Variants in UBE2V2 observed in about 807,000 individuals in gnomAD.
UBE2V2 encodes the protein ubiquitin conjugating enzyme E2 V2.
In UBE2V2, 9 loss-of-function variants were observed where a neutral mutation model predicts 17.2. The observed-to-expected ratio is 0.52, with a 90% CI of 0.32 to 0.91. The LOEUF (loss-of-function observed/expected upper bound fraction) is 0.91. Among genes scored for constraint, UBE2V2 ranks in the 40% least tolerant of loss-of-function variants. The pLI is 0.04. For missense variants in UBE2V2, 133 were observed against 182.6 expected (o/e 0.73, Z 1.56); for synonymous variants, 61 against 57.5 (o/e 1.06, Z -0.28).
chr8:48,024,861 T>C (rs2091329425), intron 1 of UBE2V2, among the ~76,000 whole-genome samples: 1 of 152,102 alleles, frequency 6.6e-6, no homozygotes, highest in East Asian at 1.9e-4. Flanking sequence ...CTGGTCAATA[T>C]TCACATAAAT....
rs550481086 is a variant in UBE2V2 at position 48,062,457 on chromosome 8, G to A, written c.*1629G>A. The A allele has an allele frequency of 2.6e-5, 4 of 152,114 alleles. No individual in the cohort carries two copies. The East Asian group carries it at 5.8e-4, about 22-fold the overall frequency. The allele number at this position is 152,114 out of a possible 1,614,324, so 9.4% of individuals were successfully genotyped here. ...AAATACAAAAAATTAGCCAGGTGTG[G>A]TGGTGGGTACTTGTAGTCCCAGCTA... On this transcript the variant is annotated 3_prime_UTR_variant, in exon 4 of 4. Transcript: ENST00000523111.
At position 48,023,180 on chromosome 8, in the gene UBE2V2, A is replaced by G. The variant is rs945846827; in HGVS notation, c.16+14710A>G. On this transcript the variant is annotated intron_variant, in intron 1 of 3. Coordinates refer to ENST00000523111, the MANE Select transcript of UBE2V2 (RefSeq NM_003350.3). ...TAGCCATATACTTATAACTTTCTCC[A>G]TATTTGTACAGTTTTTTTGCTACTT... Among the ~76,000 whole-genome samples the G allele has an allele frequency of 5.3e-5, 8 of 150,788 alleles. No homozygotes were observed. In the South Asian group the frequency reaches 8.4e-4, roughly 16 times the overall value.
intron 3 of UBE2V2, among the ~76,000 whole-genome samples, chr8:48,060,165 G>A (rs1384522087): frequency 1.5e-5 from 2 of 133,516 alleles, no homozygotes; most frequent in Non-Finnish European, 3.0e-5. Context: ...AGCCAGGATC[G>A]CACCACTGTA....
intron 1 of UBE2V2, among the ~76,000 whole-genome samples, chr8:48,010,989 C>T (rs1441591388): frequency 1.3e-5 from 2 of 151,344 alleles, no homozygotes; most frequent in Non-Finnish European, 2.9e-5. Context: ...CCTTGGCCTC[C>T]CAAAGTGCTG....
intron 1 of UBE2V2, among the ~76,000 whole-genome samples, chr8:48,018,546 T>G (rs1441891237): frequency 6.6e-6 from 1 of 152,206 alleles, no homozygotes; most frequent in Non-Finnish European, 1.5e-5. Flanking sequence ...CTTCTTAAAT[T>G]TGTTAAGACT....
At position 48,062,423 on chromosome 8, in the gene UBE2V2, C is replaced by G. The variant is rs1001625320; in HGVS notation, c.*1595C>G. 1 of 151,956 alleles carries G rather than the reference C, an allele frequency of 6.6e-6. No individual in the cohort carries two copies. Among genetic ancestry groups the G allele is most frequent in the East Asian group, 1.9e-4 (1 of 5,190 alleles). The allele number at this position is 151,956 out of a possible 1,614,324, so 9.4% of individuals were successfully genotyped here. A position where few individuals can be genotyped will look rare whatever the true frequency, so the allele number is the denominator to read the frequency against. On this transcript the variant is annotated 3_prime_UTR_variant, in exon 4 of 4. Coordinates refer to ENST00000523111, the MANE Select transcript of UBE2V2 (RefSeq NM_003350.3). ...CCTGGCCAACATGATGAAACCCTGT[C>G]TCTACTAAAAATACAAAAAATTAGC...
In UBE2V2 at chr8:48,062,205, T is replaced by C. The variant is rs959156231; in HGVS notation, c.*1377T>C. On this transcript the variant is annotated 3_prime_UTR_variant, in exon 4 of 4. Coordinates refer to ENST00000523111, the MANE Select transcript of UBE2V2 (RefSeq NM_003350.3). ...GTGGTCAGGTAAAGTCTACTTTTAT[T>C]TTGTCAAGCTTAATAATTTGTGTCA... is the stretch of plus-strand genomic sequence containing the variant. 6.6e-6 allele frequency: 1 copy of C among 152,236 alleles called. No homozygotes were observed. Among genetic ancestry groups the C allele is most frequent in the Non-Finnish European group, 1.5e-5 (1 of 68,040 alleles). The allele number at this position is 152,236 out of a possible 1,614,324, so 9.4% of individuals were successfully genotyped here.
intron 1 of UBE2V2, among the ~76,000 whole-genome samples, chr8:48,040,677 C>T (rs1206046312): frequency 1.3e-5 from 2 of 151,710 alleles, no homozygotes; most frequent in African/African-American, 2.4e-5. Flanking sequence ...CTCTGTCTCC[C>T]GGGCAGGGGC....
chr8:48,006,845 C>T (rs1162846549), upstream of UBE2V2, among the ~76,000 whole-genome samples: 5 of 152,062 alleles, frequency 3.3e-5, no homozygotes, highest in African/African-American at 7.2e-5. Context: ...ACTGAATGGG[C>T]GAAAACTGGA....
intron 1 of UBE2V2, among the ~76,000 whole-genome samples, chr8:48,016,244 A>C (rs896536030): frequency 6.6e-6 from 1 of 152,078 alleles, no homozygotes; most frequent in South Asian, 2.1e-4. Flanking sequence ...TATATCTTGC[A>C]TATTTTGAGT....
intron 3 of UBE2V2, among the ~76,000 whole-genome samples, chr8:48,060,116 A>C (rs940430060): frequency 2.7e-5 from 4 of 147,888 alleles, no homozygotes; most frequent in African/African-American, 7.4e-5. Flanking sequence ...CTCATGAGGC[A>C]GGAGAATTTC....
upstream of UBE2V2, among the ~76,000 whole-genome samples, chr8:48,003,735 T>C (rs2091166799): frequency 1.3e-5 from 2 of 152,144 alleles, no homozygotes; most frequent in South Asian, 4.1e-4. Flanking sequence ...GCAGATCAGT[T>C]TAATGAAAAG....
chr8:48,019,592 G>C (rs1017128961), intron 1 of UBE2V2, among the ~76,000 whole-genome samples: 4 of 151,514 alleles, frequency 2.6e-5, no homozygotes, highest in African/African-American at 9.7e-5. Flanking sequence ...TGAGGCTGGC[G>C]GATCATGAGG....
intron 1 of UBE2V2, among the ~76,000 whole-genome samples, chr8:48,036,157 G>A (rs1308252333): frequency 6.6e-6 from 1 of 150,964 alleles, no homozygotes; most frequent in Non-Finnish European, 1.5e-5. Flanking sequence ...GGTTTTGCAT[G>A]TTGCTCAGGC....
chr8:48,010,423 AC>A (rs2091220257), intron 1 of UBE2V2, among the ~76,000 whole-genome samples: 1 of 134,522 alleles, frequency 7.4e-6, no homozygotes, highest in African/African-American at 2.8e-5. Flanking sequence ...TTTTTTTGAG[AC>A]GCAGTCTTGC....
intron 3 of UBE2V2, among the ~76,000 whole-genome samples, chr8:48,055,436 G>T (rs1416211413): frequency 6.6e-6 from 1 of 151,542 alleles, no homozygotes; most frequent in Non-Finnish European, 1.5e-5. Flanking sequence ...CCTGATTTCA[G>T]GCGATCCACC....
chr8:48,023,824 C>T (rs1359885976), intron 1 of UBE2V2, among the ~76,000 whole-genome samples: 1 of 151,976 alleles, frequency 6.6e-6, no homozygotes, highest in African/African-American at 2.4e-5. Flanking sequence ...TGCATTGAGC[C>T]AAGATTGCGC....
intron 1 of UBE2V2, among the ~76,000 whole-genome samples, chr8:48,013,464 T>G (rs1250326501): frequency 1.3e-5 from 2 of 152,036 alleles, no homozygotes; most frequent in African/African-American, 2.4e-5. Flanking sequence ...CCTGCCACCA[T>G]GCCCGGTTAA....
intron 1 of UBE2V2, chr8:48,034,958 G>A: frequency 2.1e-6 from 2 of 958,374 alleles, no homozygotes; most frequent in Non-Finnish European, 2.5e-6. Flanking sequence ...CAGGTGGCCA[G>A]TTAGGACTTC....
Sources: gnomAD v4.1 joint callset for allele counts (sites outside exome capture counted in the v4.1 genomes callset) on GRCh38, gnomAD v4.1.1 for gene constraint, MANE v1.5 for transcripts, NCBI Gene and HGNC (gene_info 2026-07-23, HGNC 2026-07-21) for gene names.